PFAS: variants seen among roughly 807,000 people sequenced by gnomAD.
PFAS encodes the protein FGAM synthase.
In PFAS, 97 loss-of-function variants were observed where a neutral mutation model predicts 140.6. The observed-to-expected ratio is 0.69, with a 90% CI of 0.59 to 0.82. The LOEUF is 0.82. Among genes scored for constraint, PFAS ranks in the 40% least tolerant of loss-of-function variants. The pLI, the probability that PFAS is intolerant of heterozygous loss-of-function variation, is 0.00. For synonymous variants in PFAS, 679 were observed against 718.8 expected (o/e 0.94, Z 0.88); for missense variants, 1,656 against 1,780.2 (o/e 0.93, Z 1.26).
rs1989956461 is a variant in PFAS, at chr17:8,269,707, A to AC, written c.*445dup. Reference sequence around the variant, plus strand: ...GCAATAGTATGCAGATCAGCCCCTCACCACCTCATTGTTCTCATCTGGAAC... The same window carrying AC: ...GCAATAGTATGCAGATCAGCCCCTCACCCACCTCATTGTTCTCATCTGGAAC... On this transcript the variant is annotated 3_prime_UTR_variant, in exon 28 of 28. Coordinates refer to ENST00000314666, the MANE Select transcript of PFAS (RefSeq NM_012393.3). 1 of 168,650 alleles carries AC rather than the reference A, an allele frequency of 5.9e-6. No individual in the cohort carries two copies. Among genetic ancestry groups the AC allele is most frequent in the Non-Finnish European group, 1.3e-5 (1 of 77,320 alleles). The allele number at this position is 168,650 out of a possible 1,614,324, so 10.4% of individuals were successfully genotyped here.
Position 8,263,203 on chromosome 17 carries a change from G to A in PFAS, c.1505G>A (p.Cys502Tyr). The A allele has an allele frequency of 1.9e-6, 3 of 1,614,152 alleles. No individual in the cohort carries two copies. The highest frequency in any genetic ancestry group is 2.2e-5 in the East Asian group (1 of 44,886). The change falls in exon 13 of 28, where the codon TGT becomes TAT. Residue 502 changes from cysteine to tyrosine, a missense_variant. Physicochemically the swap from Cys to Tyr is radical, Grantham distance 194. This residue lies in a region of PFAS where 773 missense variants were observed against 757.3 expected (regional missense o/e 1.02). Coordinates refer to ENST00000314666, the MANE Select transcript of PFAS (RefSeq NM_012393.3). ...EQKMNRVIRA[C>Y]VEAPKGNPIC... ...AAGATGAACCGTGTGATCAGGGCTTGTGTGGAGGCCCCCAAGGGAAACCCC... is the reference window on the plus strand; with the variant it reads ...AAGATGAACCGTGTGATCAGGGCTTATGTGGAGGCCCCCAAGGGAAACCCC...
intron 15 of PFAS, 43 bp downstream of exon 15, chr17:8,263,979 A>T: frequency 6.2e-7 from 1 of 1,601,100 alleles, no homozygotes; most frequent in South Asian, 1.1e-5. Flanking sequence ...TGGGGCAGAC[A>T]TGAGCCACCT....
In PFAS at chr17:8,263,621, C is replaced by T. The variant is rs747973975; in HGVS notation, c.1614C>T (p.Tyr538=). The T allele has an allele frequency of 2.5e-6, 4 of 1,614,078 alleles. No homozygotes were observed. The highest frequency in any genetic ancestry group is 1.1e-5 in the South Asian group (1 of 91,084). Reference sequence around the variant, plus strand: ...GTGACCCAGCTGGAGCCATCATTTACACCAGCCGCTTCCAGGTGGGTCTCG... The same window carrying T: ...GTGACCCAGCTGGAGCCATCATTTATACCAGCCGCTTCCAGGTGGGTCTCG... ...ELSDPAGAII[Y]TSRFQLGDPT... Residue 538 remains tyrosine (Y), a synonymous_variant, in exon 14 of 28, where the codon TAC becomes TAT. Coordinates refer to ENST00000314666, the MANE Select transcript of PFAS (RefSeq NM_012393.3).
At chr17:8,254,570 G>A (rs1041908550) in intron 3 of PFAS, among the ~76,000 whole-genome samples, 2 of 152,136 alleles carry the variant, frequency 1.3e-5, no homozygotes, top group African/African-American at 2.4e-5. Flanking sequence ...TTGGGAGGCC[G>A]AGGTGGGGCA....
Position 8,268,713 on chromosome 17 carries a change from C to T in PFAS, c.3563C>T (p.Ala1188Val), listed in dbSNP as rs958054578. The T allele has an allele frequency of 6.2e-7, 1 of 1,613,148 alleles. No individual in the cohort carries two copies. ...GAGATGGGCCCTGACTCCCAGCCAG[C>T]CCGGCCAGGCCTTCTGCTACGCCAC... The part of the protein sequence containing the change: ...AAEMGPDSQP[A>V]RPGLLLRHNL... Residue 1188 changes from alanine (A) to valine (V), a missense_variant, in exon 27 of 28, where the codon GCC becomes GTC. Physicochemically the swap from Ala to Val is moderately conservative, Grantham distance 64 (BLOSUM62 0). Transcript: ENST00000314666.
At chr17:8,252,364 TAAAC>T (rs1466087908) in intron 1 of PFAS, among the ~76,000 whole-genome samples, 5 of 152,294 alleles carry the variant, frequency 3.3e-5, no homozygotes, top group African/African-American at 1.2e-4. Flanking sequence ...AATAAATTCT[TAAAC>T]AAAAGCTTTG....
Position 8,255,848 on chromosome 17 carries a change from C to T in PFAS, c.618C>T (p.Arg206=), listed in dbSNP as rs140433295. 5 of 1,614,020 alleles carry T rather than the reference C, an allele frequency of 3.1e-6. No individual in the cohort carries two copies. In the African/African-American group the frequency reaches 6.7e-5, roughly 22 times the overall value. ...DSWDLDFYTK[R]FQELQRNPST... is the part of the protein sequence containing the mutation. Reference sequence around the variant, plus strand: ...GGGACCTAGACTTCTACACCAAGCGCTTCCAGGAGCTACAGCGGAACCCGA... The same window carrying T: ...GGGACCTAGACTTCTACACCAAGCGTTTCCAGGAGCTACAGCGGAACCCGA... The change falls in exon 6 of 28, where the codon CGC becomes CGT. Residue 206 remains arginine (R), a synonymous_variant. Coordinates refer to ENST00000314666, the MANE Select transcript of PFAS (RefSeq NM_012393.3).
At chr17:8,254,891 G>T (rs547754691) in intron 3 of PFAS, 136 bp from the exon 4 acceptor site, 44 of 638,122 alleles carry the variant, frequency 6.9e-5, no homozygotes, top group Non-Finnish European at 1.2e-4. Flanking sequence ...GTTTCTTGTT[G>T]CCCAGCCTGA....
intron 1 of PFAS, among the ~76,000 whole-genome samples, chr17:8,252,311 A>G (rs1989187227): frequency 1.3e-5 from 2 of 152,184 alleles, no homozygotes; most frequent in South Asian, 4.1e-4. Context: ...GAAAAAGAAA[A>G]TAAATAAATA....
intron 12 of PFAS, 55 bp downstream of exon 12, chr17:8,263,048 T>C (rs1450185973): frequency 1.9e-6 from 3 of 1,606,358 alleles, no homozygotes; most frequent in Non-Finnish European, 2.6e-6. Flanking sequence ...GCCCCAGGCA[T>C]AGGGGAGCGT....
At chr17:8,263,459 C>G in intron 13 of PFAS, 116 bp from the exon 14 acceptor site, 1 of 1,044,344 alleles carries the variant, frequency 9.6e-7, no homozygotes, top group Non-Finnish European at 1.5e-6. Context: ...GGTAAGGGTG[C>G]GGCAGCAGTT....
rs564821870 is a variant in PFAS at position 8,251,692 on chromosome 17, G to A, written c.-79-2167G>A. ...TCTTTTTTTTTTTTTTTTTTTTTGA[G>A]TCAGAGTCTTACTCTGTCACCCAGG... is the stretch of plus-strand genomic sequence containing the variant. On this transcript the variant is annotated intron_variant, in intron 1 of 27. Coordinates refer to ENST00000314666, the MANE Select transcript of PFAS (RefSeq NM_012393.3). Among the ~76,000 whole-genome samples the A allele has an allele frequency of 1.9e-4, 21 of 108,248 alleles. 1 individual carries two copies. In the South Asian group the frequency reaches 5.6e-3, roughly 29 times the overall value. The allele number at this position is 108,248 out of a possible 152,430, so 71.0% of individuals were successfully genotyped here. A position where few individuals can be genotyped will look rare whatever the true frequency, so the allele number is the denominator to read the frequency against.
upstream of PFAS, chr17:8,249,182 C>A (rs1173049871): frequency 1.3e-5 from 2 of 152,180 alleles, no homozygotes; most frequent in African/African-American, 2.4e-5. Context: ...CTCTCCCCAC[C>A]AAGAACCTAG....
intron 16 of PFAS, 62 bp downstream of exon 16, chr17:8,264,399 C>T (rs1308674449): frequency 8.7e-6 from 14 of 1,611,970 alleles, no homozygotes; most frequent in Non-Finnish European, 1.0e-5. Flanking sequence ...CTTTACCCTA[C>T]GTGCACTTTG....
At chr17:8,248,305 A>G (rs796154285), upstream of PFAS, among the ~76,000 whole-genome samples, 46 of 146,662 alleles carry the variant, frequency 3.1e-4, no homozygotes, top group African/African-American at 1.2e-3. Context: ...CAGTGGCGCG[A>G]TCTCGGCTCA....
intron 1 of PFAS, 93 bp downstream of exon 1, chr17:8,249,432 C>T (rs995349639): frequency 6.6e-6 from 1 of 152,280 alleles, no homozygotes; most frequent in Non-Finnish European, 1.5e-5. Flanking sequence ...TTCAGTATCC[C>T]CACCGGGCCG....
In PFAS at chr17:8,267,013, T is replaced by C. The variant is rs751165100; in HGVS notation, c.2968-15T>C. 6.2e-7 allele frequency: 1 copy of C among 1,613,324 alleles called. No individual in the cohort carries two copies. The highest frequency in any genetic ancestry group is 1.1e-5 in the South Asian group (1 of 91,070). On this transcript the variant is annotated splice_polypyrimidine_tract_variant and intron_variant, in intron 23 of 27. Coordinates refer to ENST00000314666, the MANE Select transcript of PFAS (RefSeq NM_012393.3). This position sits in a 1 kb window ranked among gnomAD's most constrained non-coding sequence, Gnocchi z 4.9. Reference sequence around the variant, plus strand: ...CCTTTCTCCTAGCCCGTGGGAGATTTGTTCCTCTTCCTAGGTCCGGGTGTC... The same window carrying C: ...CCTTTCTCCTAGCCCGTGGGAGATTCGTTCCTCTTCCTAGGTCCGGGTGTC...
chr17:8,267,032 G>A lies in PFAS; in HGVS notation c.2972G>A (p.Arg991Gln), dbSNP rs370354294. Residue 991 changes from arginine (R) to glutamine (Q), a missense_variant, in exon 24 of 28, where the codon CGG (arginine) becomes CAG (glutamine). Physicochemically the swap from Arg to Gln is conservative, Grantham distance 43. Around this residue, in one of 2 missense-constraint regions of PFAS, gnomAD observed 883 missense variants for 1,023.0 expected, o/e 0.86. Transcript: ENST00000314666. This position sits in a 1 kb window ranked among gnomAD's most constrained non-coding sequence, Gnocchi z 4.9. ...GAGATTTGTTCCTCTTCCTAGGTCCGGGTGTCAGTGAACGGGGCTGTGGTT... is the reference window on the plus strand; with the variant it reads ...GAGATTTGTTCCTCTTCCTAGGTCCAGGTGTCAGTGAACGGGGCTGTGGTT... ...TGEAGPHAMV[R>Q]VSVNGAVVLE... is the part of the protein sequence containing the mutation. 41 of 1,613,682 alleles carry A rather than the reference G, an allele frequency of 2.5e-5. No individual in the cohort carries two copies. Among genetic ancestry groups the A allele is most frequent in the Admixed American group, 1.0e-4 (6 of 59,998 alleles).
At chr17:8,253,609 G>A (rs1328181478) in intron 1 of PFAS, among the ~76,000 whole-genome samples, 4 of 151,952 alleles carry the variant, frequency 2.6e-5, no homozygotes, top group African/African-American at 7.3e-5. Flanking sequence ...GCGCGATCTC[G>A]GCTCACTGCA....
Sources: gnomAD v4.1 joint callset for allele counts (sites outside exome capture counted in the v4.1 genomes callset) on GRCh38, gnomAD v4.1.1 for gene constraint, gnomAD v4.1.1 regional missense constraint, Gnocchi (gnomAD v3.1) non-coding constraint, MANE v1.5 for transcripts, NCBI Gene and HGNC (gene_info 2026-07-23, HGNC 2026-07-21) for gene names.